Variants in CBLN2 observed in about 807,000 individuals in gnomAD.
CBLN2 encodes the protein cerebellin 2 precursor.
Under a neutral mutation model 15.0 loss-of-function variants are expected in CBLN2, and 7 were observed. The ratio of observed to expected loss-of-function variants is 0.47; its 90% confidence interval spans 0.27 to 0.88. CBLN2 has a LOEUF of 0.88. CBLN2 is among the 40% of genes least tolerant of loss of function. The pLI is 0.14. For synonymous variants in CBLN2, 149 were observed against 135.2 expected (o/e 1.10, Z -0.71); for missense variants, 242 against 304.5 (o/e 0.79, Z 1.53).
chr18:72,638,243 G>A (rs1201224640), intron 1 of CBLN2: 8 of 398,162 alleles, frequency 2.0e-5, no homozygotes, highest in Non-Finnish European at 3.5e-5. Context: ...TCTCCTTGTT[G>A]TTCATTCCAC....
At chr18:72,561,137 T>C (rs2069258411) in intron 1 of CBLN2, among the ~76,000 whole-genome samples, 1 of 150,198 alleles carries the variant, frequency 6.7e-6, no homozygotes, top group Non-Finnish European at 1.5e-5. Flanking sequence ...TATATACATA[T>C]ATACACATAC....
At chr18:72,564,564 A>T (rs1465402229) in intron 1 of CBLN2, among the ~76,000 whole-genome samples, 3 of 152,206 alleles carry the variant, frequency 2.0e-5, no homozygotes, top group African/African-American at 7.2e-5. Context: ...TTCTCAAAAC[A>T]ACTGATTTAA....
At chr18:72,621,462 C>T (rs1470837180) in intron 1 of CBLN2, among the ~76,000 whole-genome samples, 1 of 152,088 alleles carries the variant, frequency 6.6e-6, no homozygotes, top group African/African-American at 2.4e-5. Flanking sequence ...CTCTTTTTGA[C>T]AATAATTAAT....
chr18:72,627,356 A>G (rs2069746571), intron 1 of CBLN2, among the ~76,000 whole-genome samples: 1 of 152,244 alleles, frequency 6.6e-6, no homozygotes, highest in Non-Finnish European at 1.5e-5. Context: ...AAAACATTTT[A>G]TATCTATATG....
chr18:72,608,722 G>T (rs989139162), intron 1 of CBLN2, among the ~76,000 whole-genome samples: 1 of 152,164 alleles, frequency 6.6e-6, no homozygotes, highest in South Asian at 2.1e-4. Flanking sequence ...AGGTGTTGGG[G>T]CTGAGGGGCA....
chr18:72,623,099 AG>A (rs1216868743), intron 1 of CBLN2, among the ~76,000 whole-genome samples: 1 of 152,116 alleles, frequency 6.6e-6, no homozygotes, highest in African/African-American at 2.4e-5. Flanking sequence ...AAGAGAGCGA[AG>A]GGGGAGGTGC....
chr18:72,595,478 G>A (rs527954174), intron 1 of CBLN2, among the ~76,000 whole-genome samples: 1 of 152,194 alleles, frequency 6.6e-6, no homozygotes, highest in East Asian at 1.9e-4. Flanking sequence ...GTGCTGAAGA[G>A]AAAAATGTGT....
At chr18:72,610,554 G>C (rs911533696) in intron 1 of CBLN2, among the ~76,000 whole-genome samples, 1 of 152,114 alleles carries the variant, frequency 6.6e-6, no homozygotes, top group Non-Finnish European at 1.5e-5. Flanking sequence ...AAGGGACTCT[G>C]TATATCCTGT....
chr18:72,627,363 T>A (rs1246880909), intron 1 of CBLN2, among the ~76,000 whole-genome samples: 1 of 152,230 alleles, frequency 6.6e-6, no homozygotes, highest in Non-Finnish European at 1.5e-5. Context: ...TTTATATCTA[T>A]ATGAGGGCTT....
intron 1 of CBLN2, among the ~76,000 whole-genome samples, chr18:72,635,886 AAAT>A (rs1223141681): frequency 6.6e-6 from 1 of 152,170 alleles, no homozygotes; most frequent in Admixed American, 6.5e-5. Context: ...GGGGAAGCAA[AAAT>A]AAAAGACAGT....
At chr18:72,635,026 G>A (rs1196688741) in intron 1 of CBLN2, among the ~76,000 whole-genome samples, 1 of 152,002 alleles carries the variant, frequency 6.6e-6, no homozygotes, top group African/African-American at 2.4e-5. Flanking sequence ...GTGCTTTCCT[G>A]AGGGCATGGG....
At chr18:72,544,705 C>T (rs1030484864), upstream of CBLN2, 4 of 152,140 alleles carry the variant, frequency 2.6e-5, no homozygotes, top group African/African-American at 7.2e-5. Flanking sequence ...ACTTTTACTC[C>T]TGGCAAAACC....
chr18:72,583,191 A>T (rs2069417873), intron 1 of CBLN2, among the ~76,000 whole-genome samples: 1 of 152,172 alleles, frequency 6.6e-6, no homozygotes, highest in Non-Finnish European at 1.5e-5. Context: ...TCCTTAAACC[A>T]CATATGTTCA....
chr18:72,546,996 C>A (rs1472311829), upstream of CBLN2, among the ~76,000 whole-genome samples: 1 of 151,932 alleles, frequency 6.6e-6, no homozygotes, highest in Non-Finnish European at 1.5e-5. Flanking sequence ...GGAAAAAAAT[C>A]ATTGTATGGA....
At chr18:72,603,118 C>T (rs2069560182) in intron 1 of CBLN2, among the ~76,000 whole-genome samples, 1 of 152,246 alleles carries the variant, frequency 6.6e-6, no homozygotes, top group South Asian at 2.1e-4. Flanking sequence ...GGCAAAATCA[C>T]AATCCTTTAG....
intron 1 of CBLN2, among the ~76,000 whole-genome samples, chr18:72,617,902 G>GA (rs1568133382): frequency 6.6e-6 from 1 of 151,916 alleles, no homozygotes; most frequent in Non-Finnish European, 1.5e-5. Context: ...TAATTATGTT[G>GA]TAAAATAAAA....
intron 1 of CBLN2, among the ~76,000 whole-genome samples, chr18:72,556,801 C>A (rs1203673445): frequency 6.6e-6 from 1 of 151,658 alleles, no homozygotes; most frequent in African/African-American, 2.4e-5. Context: ...TTATGATGCC[C>A]AGGAGTGGAA....
At chr18:72,588,574 C>T (rs1374179577) in intron 1 of CBLN2, among the ~76,000 whole-genome samples, 3 of 152,210 alleles carry the variant, frequency 2.0e-5, no homozygotes, top group Non-Finnish European at 4.4e-5. Flanking sequence ...GCTCAAGAAA[C>T]TCCCAGACTA....
chr18:72,562,901 T>TG (rs2069270786), intron 1 of CBLN2, among the ~76,000 whole-genome samples: 1 of 152,236 alleles, frequency 6.6e-6, no homozygotes, highest in Admixed American at 6.5e-5. Context: ...AGTTTTAAAC[T>TG]ACAGGAAATT....
Sources: gnomAD v4.1 joint callset for allele counts (sites outside exome capture counted in the v4.1 genomes callset) on GRCh38, gnomAD v4.1.1 for gene constraint, MANE v1.5 for transcripts, NCBI Gene and HGNC (gene_info 2026-07-23, HGNC 2026-07-21) for gene names.